The following ETFA variants were observed in gnomAD, a reference collection of about 807,000 sequenced individuals.
ETFA encodes the protein electron transfer flavoprotein subunit alpha.
ETFA carries 22 observed loss-of-function variants against 46.2 expected under a neutral mutation model. The observed-to-expected ratio is 0.48, with a 90% confidence interval of 0.34 to 0.68. The LOEUF is 0.68. Ranked by LOEUF, ETFA falls within the 30% of genes least tolerant of loss-of-function variation. The probability of loss-of-function intolerance (pLI) is 0.01; values close to 1 mark genes in which losing one functional copy is unlikely to be tolerated. For synonymous variants in ETFA, 131 were observed against 139.9 expected, an observed-to-expected ratio of 0.94 and a Z score of 0.45; for missense variants, 345 against 401.1, an observed-to-expected ratio of 0.86 and a Z score of 1.19.
At chr15:76,274,631 A>G in intron 8 of ETFA, 137 bp from the exon 9 acceptor site, 1 of 765,754 alleles carries the variant, frequency 1.3e-6, no homozygotes, top group Non-Finnish European at 2.2e-6. Flanking sequence ...GCTTCAAGGA[A>G]TAACTTCTTT....
rs566995290 is a variant in ETFA, at chr15:76,310,222, G to A, written c.39+1128C>T. The stretch of plus-strand genomic sequence containing the variant: ...TATCGTGCCACTGCACTCCACTCCA[G>A]CATGGGAAACAGAGCCAGACCTTGT... On this transcript the variant is annotated intron_variant, in intron 1 of 11. Coordinates refer to ENST00000557943, the MANE Select transcript of ETFA (RefSeq NM_000126.4). Among the ~76,000 whole-genome samples, 11 of 151,754 alleles carry A rather than the reference G, an allele frequency of 7.2e-5. No homozygotes were observed. The East Asian group carries it at 1.7e-3, about 24-fold the overall frequency.
intron 1 of ETFA, among the ~76,000 whole-genome samples, chr15:76,306,001 CTG>C (rs2039936289): frequency 6.6e-6 from 1 of 152,010 alleles, no homozygotes; most frequent in African/African-American, 2.4e-5. Flanking sequence ...GCACATGACA[CTG>C]TGCCCAGCAT....
intron 10 of ETFA, among the ~76,000 whole-genome samples, chr15:76,227,530 G>GAAAAAAAAAAAAAAAAAAA (rs1567196426): frequency 6.7e-5 from 3 of 44,980 alleles, no homozygotes; most frequent in African/African-American, 1.6e-4. Flanking sequence ...AAAAAAAAAG[G>GAAAAAAAAAAAAAAAAAAA]AAAAGCTATC....
chr15:76,290,050 C>T (rs1489856698), intron 4 of ETFA, among the ~76,000 whole-genome samples: 1 of 152,118 alleles, frequency 6.6e-6, no homozygotes, highest in African/African-American at 2.4e-5. Flanking sequence ...ACCCATCAGA[C>T]TGGAGGAAAA....
intron 4 of ETFA, among the ~76,000 whole-genome samples, chr15:76,291,263 C>T (rs1301251952): frequency 2.6e-5 from 4 of 151,670 alleles, no homozygotes; most frequent in African/African-American, 9.7e-5. Flanking sequence ...GTCAACACGG[C>T]GAAACCCTGT....
At chr15:76,299,527 C>T (rs1462776393) in intron 1 of ETFA, among the ~76,000 whole-genome samples, 2 of 152,142 alleles carry the variant, frequency 1.3e-5, no homozygotes. Flanking sequence ...AAACGATCCT[C>T]GCACCTTGGC....
intron 9 of ETFA, among the ~76,000 whole-genome samples, chr15:76,238,213 A>G (rs756529598): frequency 3.9e-5 from 6 of 152,158 alleles, no homozygotes; most frequent in Non-Finnish European, 7.4e-5. Context: ...AGAGATTTAA[A>G]TGTTTACTTT....
chr15:76,243,124 T>C (rs914355804), intron 9 of ETFA, among the ~76,000 whole-genome samples: 2 of 152,078 alleles, frequency 1.3e-5, no homozygotes, highest in African/African-American at 4.8e-5. Flanking sequence ...GGTGAAACAC[T>C]GTTTCTATGA....
chr15:76,287,206 C>G (rs1362332383), intron 5 of ETFA, among the ~76,000 whole-genome samples: 1 of 152,176 alleles, frequency 6.6e-6, no homozygotes, highest in Non-Finnish European at 1.5e-5. Context: ...CTCTGTTGCC[C>G]AGGCTGGAGT....
intron 4 of ETFA, among the ~76,000 whole-genome samples, chr15:76,291,337 C>T (rs7169372): frequency 1.3e-5 from 2 of 148,870 alleles, no homozygotes; most frequent in South Asian, 2.2e-4. Flanking sequence ...CAGCTACACA[C>T]GGGAGGCTGA....
At chr15:76,265,717 A>T (rs1026749920) in intron 9 of ETFA, among the ~76,000 whole-genome samples, 2 of 152,178 alleles carry the variant, frequency 1.3e-5, no homozygotes, top group Admixed American at 1.3e-4. Flanking sequence ...GTAGAGACTT[A>T]TTGCAACAAT....
intron 9 of ETFA, among the ~76,000 whole-genome samples, chr15:76,264,889 A>G (rs1035870185): frequency 1.3e-5 from 2 of 152,264 alleles, no homozygotes; most frequent in Non-Finnish European, 2.9e-5. Flanking sequence ...CCATCCATCA[A>G]CAGAAAAGTC....
chr15:76,287,129 T>G lies in ETFA; in HGVS notation c.452-648A>C, dbSNP rs78595213. ...CCGACCCCACTAGAGACCAGTGTGCTAAGCAAAAAATCAACTGAAGAGACA... is the reference window on the plus strand; with the variant it reads ...CCGACCCCACTAGAGACCAGTGTGCGAAGCAAAAAATCAACTGAAGAGACA... On this transcript the variant is annotated intron_variant, in intron 5 of 11. Coordinates refer to ENST00000557943, the MANE Select transcript of ETFA (RefSeq NM_000126.4). Among the ~76,000 whole-genome samples the G allele has an allele frequency of 2.1e-3, 327 of 152,332 alleles. 1 individual carries two copies. Among genetic ancestry groups the G allele is most frequent in the African/African-American group, 7.5e-3 (313 of 41,584 alleles).
At chr15:76,290,093 A>G (rs995391203) in intron 4 of ETFA, among the ~76,000 whole-genome samples, 2 of 152,232 alleles carry the variant, frequency 1.3e-5, no homozygotes, top group African/African-American at 4.8e-5. Context: ...AGTGTTGACA[A>G]TTAAGTAATA....
At chr15:76,244,822 T>C (rs1031181276) in intron 9 of ETFA, among the ~76,000 whole-genome samples, 1 of 152,210 alleles carries the variant, frequency 6.6e-6, no homozygotes, top group African/African-American at 2.4e-5. Context: ...CTACAAGACA[T>C]GTCAATTTAT....
At chr15:76,218,936 C>G (rs561826975) in intron 11 of ETFA, among the ~76,000 whole-genome samples, 1 of 152,182 alleles carries the variant, frequency 6.6e-6, no homozygotes, top group East Asian at 1.9e-4. Context: ...ATGAACCACC[C>G]AATCAGAAGT....
At chr15:76,243,748 C>T (rs989138363) in intron 9 of ETFA, among the ~76,000 whole-genome samples, 1 of 151,032 alleles carries the variant, frequency 6.6e-6, no homozygotes, top group Admixed American at 6.6e-5. Flanking sequence ...GCAGTGAGCC[C>T]AGATCATGCT....
chr15:76,266,220 T>C (rs2039468899), intron 9 of ETFA, among the ~76,000 whole-genome samples: 1 of 152,204 alleles, frequency 6.6e-6, no homozygotes. Flanking sequence ...TAGTGATAGA[T>C]CTAAAGGATT....
chr15:76,234,567 G>A (rs1469719567), intron 9 of ETFA, among the ~76,000 whole-genome samples: 2 of 152,094 alleles, frequency 1.3e-5, no homozygotes, highest in East Asian at 1.9e-4. Context: ...AAGGCGTGGT[G>A]GGGGACGGTG....
Sources: allele counts gnomAD v4.1 joint callset (sites outside exome capture counted in the v4.1 genomes callset), GRCh38; gene constraint gnomAD v4.1.1; transcripts MANE v1.5; gene names NCBI Gene and HGNC (gene_info 2026-07-23, HGNC 2026-07-21).